Variants in ARHGAP27 observed in about 807,000 individuals in gnomAD.
ARHGAP27 encodes Rho GTPase activating protein 27.
A neutral mutation model predicts 102.0 loss-of-function variants in ARHGAP27; 53 were observed. That is an observed-to-expected ratio of 0.52 (90% confidence interval 0.42 to 0.65). ARHGAP27 has a LOEUF of 0.65. Ranked by LOEUF, ARHGAP27 falls within the 30% of genes least tolerant of loss-of-function variation. ARHGAP27 has a pLI of 0.00. For synonymous variants in ARHGAP27, 525 were observed against 542.8 expected, an observed-to-expected ratio of 0.97 and a Z score of 0.46; for missense variants, 1,117 against 1,256.2, an observed-to-expected ratio of 0.89 and a Z score of 1.68.
chr17:45,425,958 T>C (rs890026861), intron 4 of ARHGAP27, among the ~76,000 whole-genome samples: 14 of 152,198 alleles, frequency 9.2e-5, no homozygotes, highest in African/African-American at 3.4e-4. Flanking sequence ...GCTTCTGCCC[T>C]CTCCTGGGCA....
In ARHGAP27 at chr17:45,432,736, C is replaced by T. The variant is rs1461266280; in HGVS notation, c.-285+16G>A. On this transcript the variant is annotated intron_variant, in intron 1 of 19. Coordinates refer to ENST00000685559, the MANE Select transcript of ARHGAP27 (RefSeq NM_001282290.2). ...CCCGCTCGGCGCCCCACTCCCGACC[C>T]TGCCTGCCCGGGCACCTCGGGGCGT... 6.6e-6 allele frequency: 1 copy of T among 151,438 alleles called. No individual in the cohort carries two copies. The highest frequency in any genetic ancestry group is 1.5e-5 in the Non-Finnish European group (1 of 67,746). 9.4% of individuals were successfully genotyped at this position (151,438 alleles called of 1,614,324 possible).
At chr17:45,411,873 T>C (rs2047953831) in intron 4 of ARHGAP27, among the ~76,000 whole-genome samples, 4 of 152,030 alleles carry the variant, frequency 2.6e-5, no homozygotes, top group Admixed American at 1.3e-4. Context: ...CAACCAGGCC[T>C]CAGAGACAGG....
At position 45,404,904 on chromosome 17, in the gene ARHGAP27, C is replaced by T. The variant is rs757526676; in HGVS notation, c.1248+20G>A. The stretch of plus-strand genomic sequence containing the variant: ...GGAGGACTCTGAGGCTGTCCGGGTC[C>T]ATCTGCCCCCTGCCCCTACCTGCTC... On this transcript the variant is annotated intron_variant, in intron 6 of 19. Transcript: ENST00000685559. 27 of 1,613,990 alleles carry T rather than the reference C, an allele frequency of 1.7e-5. No homozygotes were observed. The highest frequency in any genetic ancestry group is 2.3e-5 in the Non-Finnish European group (27 of 1,180,008).
Position 45,396,111 on chromosome 17 carries a change from C to A in ARHGAP27, c.2258G>T (p.Arg753Leu). The change falls in exon 18 of 20, where the codon CGC becomes CTC. Residue 753 changes from arginine to leucine, a missense_variant. By Grantham distance (102) the Arg-to-Leu change is moderately radical. Around this residue, in one of 3 missense-constraint regions of ARHGAP27, gnomAD observed 493 missense variants for 505.5 expected, o/e 0.98. Coordinates refer to ENST00000685559, the MANE Select transcript of ARHGAP27 (RefSeq NM_001282290.2). Reference protein sequence around the residue: ...KLRYKVDHDERLDLDDGRWED... With the variant: ...KLRYKVDHDELLDLDDGRWED... ...CCAGCGCCCGTCATCCAGGTCAAGG[C>A]GCTCATCTGTGGCGGAGGAAGGGAG... 4 of 1,610,858 alleles carry A rather than the reference C, an allele frequency of 2.5e-6. No individual in the cohort carries two copies. The highest frequency in any genetic ancestry group is 3.4e-6 in the Non-Finnish European group (4 of 1,178,140).
chr17:45,395,485 G>T lies in ARHGAP27; in HGVS notation c.2641C>A (p.Gln881Lys). ...TGCGGCGGGAAGATGTCCGCGCACT[G>T]CTGCAGGATGAGCTCCACCACCTGG... ...QNQVVELILQ[Q>K]CADIFPPH The change falls in exon 20 of 20, where the codon CAG (glutamine) becomes AAG (lysine). Residue 881 changes from glutamine (Q) to lysine (K), a missense_variant. Gln to Lys is a moderately conservative substitution (Grantham distance 53). Transcript: ENST00000685559. 6.3e-7 allele frequency: 1 copy of T among 1,579,870 alleles called. No homozygotes were observed. Among genetic ancestry groups the T allele is most frequent in the Non-Finnish European group, 8.6e-7 (1 of 1,162,036 alleles).
chr17:45,427,900 C>T lies in ARHGAP27; in HGVS notation c.657+1723G>A, dbSNP rs2049769945. ...GGCAGAGGGGCCACCTGGCAGGCGC[C>T]CTGGCAGCCGGGGTGATCTGTCTTC... On this transcript the variant is annotated intron_variant, in intron 4 of 19. Transcript: ENST00000685559. This position sits in a 1 kb window ranked among gnomAD's most constrained non-coding sequence, Gnocchi z 4.5. Among the ~76,000 whole-genome samples the T allele has an allele frequency of 6.6e-6, 1 of 152,206 alleles. No homozygotes were observed. The highest frequency in any genetic ancestry group is 1.5e-5 in the Non-Finnish European group (1 of 68,032).
At position 45,414,779 on chromosome 17, in the gene ARHGAP27, C is replaced by G. The variant is rs147066250; in HGVS notation, c.658-8696G>C. 2.3e-4 allele frequency among the ~76,000 whole-genome samples: 28 copies of G among 120,582 alleles called. No individual in the cohort carries two copies. The East Asian group carries it at 6.9e-3, about 30-fold the overall frequency. The allele number at this position is 120,582 out of a possible 152,430, so 79.1% of individuals were successfully genotyped here. On this transcript the variant is annotated intron_variant, in intron 4 of 19. Transcript: ENST00000685559. The stretch of plus-strand genomic sequence containing the variant: ...CTCCATCTTAAAAAGAAAATGTTGA[C>G]TGGGCACAGTGGCTCACGCCTGAAA...
At chr17:45,398,070 G>T in intron 12 of ARHGAP27, 23 bp from the exon 13 acceptor site, 2 of 1,582,104 alleles carry the variant, frequency 1.3e-6, no homozygotes, top group Non-Finnish European at 1.7e-6. Context: ...AAGTCAGTGG[G>T]TCATCTCTGG....
chr17:45,406,207 T>C (rs2047150847), intron 4 of ARHGAP27, 124 bp from the exon 5 acceptor site: 3 of 1,169,758 alleles, frequency 2.6e-6, no homozygotes, highest in Non-Finnish European at 3.5e-6. Context: ...TTTAAACTTT[T>C]CTGCAGCCTC....
In ARHGAP27 at chr17:45,430,509, C is replaced by A. The variant is rs1156992820; in HGVS notation, c.-18-212G>T. Among the ~76,000 whole-genome samples the A allele has an allele frequency of 1.3e-5, 2 of 152,206 alleles. No homozygotes were observed. The highest frequency in any genetic ancestry group is 2.9e-5 in the Non-Finnish European group (2 of 68,034). On this transcript the variant is annotated intron_variant, in intron 3 of 19. Transcript: ENST00000685559. The surrounding 1 kb of genome is among the most constrained non-coding windows in gnomAD (Gnocchi z 4.4). The stretch of plus-strand genomic sequence containing the variant: ...CAGTGCTGGAATTAGGACAGCCCTT[C>A]GTTCTGTGGGGTTGATTCTAAGATT...
At chr17:45,411,012 C>A (rs903347259) in intron 4 of ARHGAP27, among the ~76,000 whole-genome samples, 1 of 152,126 alleles carries the variant, frequency 6.6e-6, no homozygotes. Flanking sequence ...CATATGCCCT[C>A]CCACGCCTGC....
Position 45,430,222 on chromosome 17 carries a change from T to A in ARHGAP27, c.58A>T (p.Thr20Ser). Residue 20 changes from threonine (T) to serine (S), a missense_variant, in exon 4 of 20, where the codon ACC becomes TCC. Physicochemically the swap from Thr to Ser is moderately conservative, Grantham distance 58. Coordinates refer to ENST00000685559, the MANE Select transcript of ARHGAP27 (RefSeq NM_001282290.2). This position sits in a 1 kb window ranked among gnomAD's most constrained non-coding sequence, Gnocchi z 4.4. ...GCCACGCGGCGCCCGTCCTTGCCGG[T>A]GTACTCGAAGGGGTGCTCCACCAGC... ...YVLVEHPFEY[T>S]GKDGRRVAIR... is the part of the protein sequence containing the mutation. The A allele has an allele frequency of 6.4e-7, 1 of 1,569,518 alleles. No individual in the cohort carries two copies. Among genetic ancestry groups the A allele is most frequent in the South Asian group, 1.1e-5 (1 of 87,002 alleles).
intron 4 of ARHGAP27, among the ~76,000 whole-genome samples, chr17:45,424,697 G>T (rs2049381571): frequency 1.3e-5 from 2 of 151,810 alleles, no homozygotes; most frequent in African/African-American, 2.4e-5. Context: ...AGGGATAAAA[G>T]ACTACACATT....
chr17:45,403,534 G>C, intron 11 of ARHGAP27, 85 bp downstream of exon 11: 1 of 1,153,202 alleles, frequency 8.7e-7, no homozygotes, highest in Non-Finnish European at 1.2e-6. Context: ...CTGGGTGACA[G>C]AGCGAGACTC....
chr17:45,398,137 G>C, intron 12 of ARHGAP27, 90 bp from the exon 13 acceptor site: 2 of 1,045,192 alleles, frequency 1.9e-6, no homozygotes, highest in Non-Finnish European at 1.4e-6. Flanking sequence ...AGAGATAGAG[G>C]TGACCTGTCC....
chr17:45,397,243 A>G (rs1448695990), intron 13 of ARHGAP27: 2 of 1,413,538 alleles, frequency 1.4e-6, no homozygotes, highest in Non-Finnish European at 1.8e-6. Context: ...AGGTGCAGAG[A>G]CAGTCATCCT....
At chr17:45,400,578 T>C (rs1344412687) in intron 12 of ARHGAP27, among the ~76,000 whole-genome samples, 1 of 152,194 alleles carries the variant, frequency 6.6e-6, no homozygotes, top group Non-Finnish European at 1.5e-5. Flanking sequence ...GTTTGAAGGA[T>C]ATACCTATCC....
chr17:45,410,543 T>A, intron 4 of ARHGAP27: 1 of 805,428 alleles, frequency 1.2e-6, no homozygotes, highest in South Asian at 2.6e-5. Flanking sequence ...CACTCAGTGC[T>A]CTAATGACCA....
rs1385574395 is a variant in ARHGAP27, at chr17:45,402,647, T to C, written c.1743+67A>G. 26 of 1,412,680 alleles carry C rather than the reference T, an allele frequency of 1.8e-5. No individual in the cohort carries two copies. In the South Asian group the frequency reaches 2.9e-4, roughly 16 times the overall value. The allele number at this position is 1,412,680 out of a possible 1,614,324, so 87.5% of individuals were successfully genotyped here. ...AACCCCCAGGTCATTTCCAGGTCAATAGTTGTCAGAGAGCTGGCAGGCATC... is the reference window on the plus strand; with the variant it reads ...AACCCCCAGGTCATTTCCAGGTCAACAGTTGTCAGAGAGCTGGCAGGCATC... On this transcript the variant is annotated intron_variant, in intron 12 of 19. Transcript: ENST00000685559.
Sources: gnomAD v4.1 joint callset for allele counts (sites outside exome capture counted in the v4.1 genomes callset) on GRCh38, gnomAD v4.1.1 for gene constraint, gnomAD v4.1.1 regional missense constraint, Gnocchi (gnomAD v3.1) non-coding constraint, MANE v1.5 for transcripts, NCBI Gene and HGNC (gene_info 2026-07-23, HGNC 2026-07-21) for gene names.